ARMC7: variants seen among roughly 807,000 people sequenced by gnomAD.
ARMC7 encodes armadillo repeat containing 7.
In ARMC7, 9 loss-of-function variants were observed where a neutral mutation model predicts 14.8. That is an observed-to-expected ratio of 0.61 (90% CI 0.37 to 1.06). The LOEUF (loss-of-function observed/expected upper bound fraction) is 1.06, where lower values mean the gene tolerates loss of function less well. Ranked by LOEUF, ARMC7 falls within the 50% of genes least tolerant of loss-of-function variation. ARMC7 has a pLI of 0.01. For missense variants in ARMC7, 262 were observed against 267.1 expected, an observed-to-expected ratio of 0.98 and a Z score of 0.13; for synonymous variants, 125 against 123.4, an observed-to-expected ratio of 1.01 and a Z score of -0.09.
At chr17:75,123,808 G>A (rs2074031169) in intron 2 of ARMC7, among the ~76,000 whole-genome samples, 1 of 152,026 alleles carries the variant, frequency 6.6e-6, no homozygotes, top group African/African-American at 2.4e-5. Flanking sequence ...CTACTTGGGA[G>A]GCTGAGGCAG....
At position 75,110,554 on chromosome 17, in the gene ARMC7, A is replaced by G. The variant is rs1227007451; in HGVS notation, c.183A>G (p.Leu61=). The G allele has an allele frequency of 1.9e-6, 3 of 1,614,188 alleles. No homozygotes were observed. The highest frequency in any genetic ancestry group is 1.7e-6 in the Non-Finnish European group (2 of 1,180,044). The change falls in exon 2 of 3, where the codon TTA becomes TTG. Residue 61 remains leucine, a synonymous_variant. Coordinates refer to ENST00000245543, the MANE Select transcript of ARMC7 (RefSeq NM_024585.4). Reference sequence around the variant, plus strand: ...TGCGGCAGCTGCAGGTCCTGGATTTATTTCTCGATTCGCTGTCGGAGGAGA... The same window carrying G: ...TGCGGCAGCTGCAGGTCCTGGATTTGTTTCTCGATTCGCTGTCGGAGGAGA... ...EYLRQLQVLD[L]FLDSLSEENE... is the part of the protein sequence containing the mutation.
chr17:75,129,168 G>T lies in ARMC7; in HGVS notation c.*130G>T. On this transcript the variant is annotated 3_prime_UTR_variant, in exon 3 of 3. Coordinates refer to ENST00000245543, the MANE Select transcript of ARMC7 (RefSeq NM_024585.4). ...GCCATCTGAAAGGCGGGTTCTTTCA[G>T]CAGGACAGGCATTTACACTGATGAA... 7.7e-7 allele frequency: 1 copy of T among 1,294,146 alleles called. No individual in the cohort carries two copies. Among genetic ancestry groups the T allele is most frequent in the African/African-American group, 1.5e-5 (1 of 67,810 alleles). The allele number at this position is 1,294,146 out of a possible 1,614,324, so 80.2% of individuals were successfully genotyped here.
chr17:75,114,552 C>A (rs572653276), intron 2 of ARMC7: 340 of 394,546 alleles, frequency 8.6e-4, no homozygotes, highest in Middle Eastern at 5.8e-3. Context: ...GTCCCTTCTC[C>A]GAGCGTGGTT....
chr17:75,110,953 CAAAAAAAAA>C (rs537195116), intron 2 of ARMC7, among the ~76,000 whole-genome samples: 2 of 49,812 alleles, frequency 4.0e-5, no homozygotes, highest in African/African-American at 7.3e-5. Context: ...GACCCCGTCT[CAAAAAAAAA>C]AAAAAAAAAA....
chr17:75,127,191 T>G (rs1223395350), intron 2 of ARMC7, among the ~76,000 whole-genome samples: 1 of 151,582 alleles, frequency 6.6e-6, no homozygotes, highest in Non-Finnish European at 1.5e-5. Flanking sequence ...CTGGACAACA[T>G]AGGGAGATCC....
intron 2 of ARMC7, among the ~76,000 whole-genome samples, chr17:75,113,007 T>TTTTTATTTTATTTTA (rs71159435): frequency 0.063 from 9,367 of 149,104 alleles, 460 homozygotes; most frequent in African/African-American, 0.13. Context: ...AATAACACAT[T>TTTTTATTTTATTTTA]TTTTATTTTA....
chr17:75,118,106 CA>C (rs1198591600), intron 2 of ARMC7, among the ~76,000 whole-genome samples: 22 of 139,250 alleles, frequency 1.6e-4, no homozygotes, highest in Non-Finnish European at 1.0e-4. Context: ...GCATGGGCGA[CA>C]AAGCAAGACT....
At chr17:75,117,469 T>A (rs191413113) in intron 2 of ARMC7, among the ~76,000 whole-genome samples, 37 of 152,244 alleles carry the variant, frequency 2.4e-4, no homozygotes, top group Admixed American at 1.6e-3. Context: ...TGGTTAAGGG[T>A]GTTCAAAGGC....
chr17:75,113,309 C>G (rs181759622), intron 2 of ARMC7, among the ~76,000 whole-genome samples: 1 of 150,390 alleles, frequency 6.6e-6, no homozygotes, highest in East Asian at 2.0e-4. Flanking sequence ...CAGTCGTGAG[C>G]CACCACACCT....
At chr17:75,120,521 C>CTGCAGTA (rs1353522541) in intron 2 of ARMC7, among the ~76,000 whole-genome samples, 2 of 151,980 alleles carry the variant, frequency 1.3e-5, no homozygotes, top group African/African-American at 4.8e-5. Context: ...ATTTTTAAGA[C>CTGCAGTA]TGCAGTATGG....
chr17:75,126,972 G>C (rs1317641139), intron 2 of ARMC7, among the ~76,000 whole-genome samples: 1 of 149,640 alleles, frequency 6.7e-6, no homozygotes, highest in Non-Finnish European at 1.5e-5. Context: ...TGAGGCAGGA[G>C]AATCACTTGA....
At chr17:75,123,356 C>CTT (rs1210962657) in intron 2 of ARMC7, among the ~76,000 whole-genome samples, 21 of 131,116 alleles carry the variant, frequency 1.6e-4, no homozygotes, top group African/African-American at 4.5e-4. Context: ...CCTTTGAAGA[C>CTT]TTTTTTTTTT....
intron 2 of ARMC7, among the ~76,000 whole-genome samples, chr17:75,124,523 G>T (rs2074037051): frequency 6.6e-6 from 1 of 152,212 alleles, no homozygotes; most frequent in Admixed American, 6.5e-5. Context: ...CACCCCACCC[G>T]CAGTCCAGTG....
At chr17:75,125,705 TG>T (rs1431066594) in intron 2 of ARMC7, among the ~76,000 whole-genome samples, 11 of 150,924 alleles carry the variant, frequency 7.3e-5, no homozygotes, top group Admixed American at 2.0e-4. Flanking sequence ...TAGCCAGGTG[TG>T]GTGGCATGTA....
intron 2 of ARMC7, among the ~76,000 whole-genome samples, chr17:75,121,715 CAGT>C (rs1289134130): frequency 6.6e-6 from 1 of 152,060 alleles, no homozygotes; most frequent in Non-Finnish European, 1.5e-5. Context: ...CACGCAGCAG[CAGT>C]GTTTTTTATT....
At chr17:75,113,175 C>CT (rs2073942746) in intron 2 of ARMC7, among the ~76,000 whole-genome samples, 1 of 151,436 alleles carries the variant, frequency 6.6e-6, no homozygotes, top group African/African-American at 2.4e-5. Flanking sequence ...AGGCGCCCGC[C>CT]ACCACGCCCG....
At chr17:75,123,472 G>A (rs1356023484) in intron 2 of ARMC7, among the ~76,000 whole-genome samples, 1 of 151,336 alleles carries the variant, frequency 6.6e-6, no homozygotes, top group Non-Finnish European at 1.5e-5. Flanking sequence ...TCCTGCCTCA[G>A]CCTCCTGAGT....
chr17:75,129,796 C>T lies in ARMC7; in HGVS notation c.*758C>T, dbSNP rs925975255. 4.6e-5 allele frequency: 7 copies of T among 152,514 alleles called. No individual in the cohort carries two copies. Among genetic ancestry groups the T allele is most frequent in the African/African-American group, 1.7e-4 (7 of 41,446 alleles). 9.4% of individuals were successfully genotyped at this position (152,514 alleles called of 1,614,324 possible). A position where few individuals can be genotyped will look rare whatever the true frequency, so the allele number is the denominator to read the frequency against. On this transcript the variant is annotated 3_prime_UTR_variant, in exon 3 of 3. Coordinates refer to ENST00000245543, the MANE Select transcript of ARMC7 (RefSeq NM_024585.4). ...TGGTAACTGCATCTTCTCCCCTTGC[C>T]ACCCCATGGCCCCGGCTGAAAGCTT...
chr17:75,117,976 C>G (rs1007974160), intron 2 of ARMC7, among the ~76,000 whole-genome samples: 7 of 152,070 alleles, frequency 4.6e-5, no homozygotes, highest in Non-Finnish European at 1.0e-4. Context: ...CAAAATCTAG[C>G]TGGGTGTGGT....
Sources: allele counts gnomAD v4.1 joint callset (sites outside exome capture counted in the v4.1 genomes callset), GRCh38; gene constraint gnomAD v4.1.1; transcripts MANE v1.5; gene names NCBI Gene and HGNC (gene_info 2026-07-23, HGNC 2026-07-21).